The following TBX5 variants were observed in gnomAD, a reference collection of about 807,000 sequenced individuals.
TBX5 encodes the protein T-box transcription factor 5.
A neutral mutation model predicts 51.1 loss-of-function variants in TBX5; 8 were observed. The observed-to-expected ratio is 0.16, with a 90% CI of 0.09 to 0.28. The LOEUF (loss-of-function observed/expected upper bound fraction) is 0.28, where lower values mean the gene tolerates loss of function less well. TBX5 is among the 10% of genes least tolerant of loss of function. TBX5 has a pLI of 1.00. For synonymous variants in TBX5, 302 were observed against 266.4 expected (o/e 1.13, Z -1.30); for missense variants, 589 against 671.7 (o/e 0.88, Z 1.36).
intron 5 of TBX5, among the ~76,000 whole-genome samples, chr12:114,396,370 G>A (rs958217006): frequency 6.6e-6 from 1 of 152,072 alleles, no homozygotes; most frequent in Non-Finnish European, 1.5e-5. Flanking sequence ...TTGCTTTGAC[G>A]GCTGGGGACA....
At chr12:114,376,917 A>G (rs1381533087) in intron 7 of TBX5, among the ~76,000 whole-genome samples, 2 of 151,910 alleles carry the variant, frequency 1.3e-5, no homozygotes, top group Non-Finnish European at 2.9e-5. Context: ...GGGTGGGGGT[A>G]CCTGAGTGGG....
At chr12:114,376,697 T>G (rs2136387331) in intron 7 of TBX5, among the ~76,000 whole-genome samples, 1 of 151,310 alleles carries the variant, frequency 6.6e-6, no homozygotes, top group South Asian at 2.1e-4. Context: ...AATAAAATGG[T>G]AACTATATGA....
chr12:114,406,987 C>T (rs867553909), upstream of TBX5: 1 of 917,504 alleles, frequency 1.1e-6, no homozygotes, highest in Middle Eastern at 5.6e-4. Flanking sequence ...TTCTGTTTCC[C>T]ATCCTTACCT....
intron 7 of TBX5, among the ~76,000 whole-genome samples, chr12:114,377,715 A>G (rs1436936621): frequency 6.6e-6 from 1 of 151,694 alleles, no homozygotes; most frequent in Non-Finnish European, 1.5e-5. Flanking sequence ...CACCACACCT[A>G]GCGACTTTTT....
intron 7 of TBX5, among the ~76,000 whole-genome samples, chr12:114,374,886 G>C (rs919304969): frequency 6.6e-6 from 1 of 152,086 alleles, no homozygotes; most frequent in African/African-American, 2.4e-5. Flanking sequence ...AGGAGGGAGG[G>C]AGAGAGGGAC....
intron 8 of TBX5, among the ~76,000 whole-genome samples, chr12:114,363,919 C>T (rs1297570434): frequency 6.6e-6 from 1 of 152,246 alleles, no homozygotes; most frequent in Non-Finnish European, 1.5e-5. Context: ...AAGAGGCAGA[C>T]ATATTTGCAG....
intron 6 of TBX5, among the ~76,000 whole-genome samples, chr12:114,389,568 A>C (rs925865493): frequency 6.7e-6 from 1 of 149,354 alleles, no homozygotes; most frequent in Admixed American, 6.7e-5. Context: ...TCCCGGCTAA[A>C]ACGGTGAAAC....
At chr12:114,381,523 T>A (rs1379238591) in intron 7 of TBX5, among the ~76,000 whole-genome samples, 1 of 152,124 alleles carries the variant, frequency 6.6e-6, no homozygotes. Context: ...TTCCTCCAAA[T>A]TAGTTAAATT....
intron 7 of TBX5, among the ~76,000 whole-genome samples, chr12:114,371,457 C>T (rs868644814): frequency 5.9e-5 from 9 of 152,246 alleles, no homozygotes; most frequent in South Asian, 2.1e-4. Flanking sequence ...TTGAAATCCA[C>T]GGCCAAACTG....
At chr12:114,402,816 GAA>G (rs5801054) in intron 2 of TBX5, among the ~76,000 whole-genome samples, 21 of 150,070 alleles carry the variant, frequency 1.4e-4, no homozygotes, top group Middle Eastern at 3.5e-3. Context: ...TTCCTTAAAA[GAA>G]AAAAAAAAAT....
intron 5 of TBX5, 61 bp from the exon 6 acceptor site, chr12:114,394,954 A>G: frequency 6.4e-7 from 1 of 1,558,810 alleles, no homozygotes; most frequent in East Asian, 2.2e-5. Context: ...TCTCCAGATA[A>G]AACCCTGCTC....
Position 114,398,603 on chromosome 12 carries a change from G to A in TBX5, c.480C>T (p.Leu160=), listed in dbSNP as rs778064192. ...CAAATGGGTCCAGGTGGTTGTTGGT[G>A]AGCTTGAGTTTCTGGAAGGAGACGA... The part of the protein sequence containing the change: ...RQLVSFQKLK[L]TNNHLDPFGH... The change falls in exon 5 of 9, where the codon CTC becomes CTT. Residue 160 remains leucine (L), a synonymous_variant. Coordinates refer to ENST00000405440, the MANE Select transcript of TBX5 (RefSeq NM_181486.4). 1.2e-6 allele frequency: 2 copies of A among 1,613,650 alleles called. No homozygotes were observed. The highest frequency in any genetic ancestry group is 1.7e-6 in the Non-Finnish European group (2 of 1,179,858).
intron 1 of TBX5, among the ~76,000 whole-genome samples, chr12:114,404,337 C>T (rs1203909741): frequency 6.6e-6 from 1 of 152,050 alleles, no homozygotes; most frequent in Non-Finnish European, 1.5e-5. Flanking sequence ...CAAAACAAAA[C>T]AAAAACCCAG....
rs541791938 is a variant in TBX5 at position 114,375,304 on chromosome 12, G to A, written c.756-8913C>T. On this transcript the variant is annotated intron_variant, in intron 7 of 8. Transcript: ENST00000405440. ...AGAAAACTGTTGAAGGGCAGTTTCT[G>A]ACCCATCCCTGAAGCCACTGACTCA... Among the ~76,000 whole-genome samples, 6 of 152,298 alleles carry A rather than the reference G, an allele frequency of 3.9e-5. No homozygotes were observed. In the East Asian group the frequency reaches 7.7e-4, roughly 20 times the overall value.
At chr12:114,406,521 C>T (rs925076427), upstream of TBX5, among the ~76,000 whole-genome samples, 1 of 152,160 alleles carries the variant, frequency 6.6e-6, no homozygotes, top group African/African-American at 2.4e-5. Flanking sequence ...CCAACGCTGA[C>T]CTCGAGAAGG....
chr12:114,407,766 G>A, upstream of TBX5: 2 of 985,470 alleles, frequency 2.0e-6, no homozygotes, highest in Non-Finnish European at 2.4e-6. Flanking sequence ...AGGGCCAAGT[G>A]CAAAGAGAAA....
intron 5 of TBX5, among the ~76,000 whole-genome samples, chr12:114,395,986 C>A (rs1871393502): frequency 6.6e-6 from 1 of 152,136 alleles, no homozygotes; most frequent in Non-Finnish European, 1.5e-5. Flanking sequence ...TGCGAATCGC[C>A]GCGTTTAACA....
rs370771953 is a variant in TBX5 at position 114,394,805 on chromosome 12, G to T, written c.599C>A (p.Ala200Glu). The T allele has an allele frequency of 3.7e-6, 6 of 1,614,038 alleles. No homozygotes were observed. In the African/African-American group the frequency reaches 8.0e-5, roughly 22 times the overall value. ...CTCAGGAAAGACGTGAGTGCAGAAC[G>T]CTGTATTTTTTGAGCCAAATCCATT... ...ENNGFGSKNT[A>E]FCTHVFPETA... Residue 200 changes from alanine (A) to glutamate (E), a missense_variant, in exon 6 of 9, where the codon GCG (alanine) becomes GAG (glutamate). Physicochemically the swap from Ala to Glu is moderately radical, Grantham distance 107 (BLOSUM62 -1). This residue lies in a region of TBX5 where 17 missense variants were observed against 17.6 expected (regional missense o/e 0.96). Coordinates refer to ENST00000405440, the MANE Select transcript of TBX5 (RefSeq NM_181486.4).
intron 6 of TBX5, among the ~76,000 whole-genome samples, chr12:114,389,612 G>C (rs529257464): frequency 1.8e-4 from 26 of 148,500 alleles, no homozygotes; most frequent in African/African-American, 5.4e-4. Flanking sequence ...AAATTAGCCG[G>C]GCGTAGTGGC....
Sources: gnomAD v4.1 joint callset for allele counts (sites outside exome capture counted in the v4.1 genomes callset) on GRCh38, gnomAD v4.1.1 for gene constraint, gnomAD v4.1.1 regional missense constraint, MANE v1.5 for transcripts, NCBI Gene and HGNC (gene_info 2026-07-23, HGNC 2026-07-21) for gene names.